BCL2: variants seen among roughly 807,000 people sequenced by gnomAD.
BCL2 encodes the protein apoptosis regulator Bcl-2.
In BCL2, 1 loss-of-function variant was observed where a neutral mutation model predicts 14.2. That is an observed-to-expected ratio of 0.07 (90% CI 0.02 to 0.33). BCL2 has a LOEUF of 0.33. BCL2 is among the 10% of genes least tolerant of loss of function. BCL2 has a pLI of 0.99. For missense variants in BCL2, 247 were observed against 305.9 expected (o/e 0.81, Z 1.44); for synonymous variants, 151 against 137.2 (o/e 1.10, Z -0.70).
chr18:63,232,355 T>C (rs1324238203), intron 2 of BCL2, among the ~76,000 whole-genome samples: 1 of 152,158 alleles, frequency 6.6e-6, no homozygotes, highest in Non-Finnish European at 1.5e-5. Flanking sequence ...AAAACAATGT[T>C]TAAAGGCAAT....
At chr18:63,184,903 C>G (rs959513848) in intron 2 of BCL2, among the ~76,000 whole-genome samples, 3 of 152,170 alleles carry the variant, frequency 2.0e-5, no homozygotes, top group African/African-American at 7.2e-5. Context: ...CCTGAGTTTT[C>G]CAGGGTCTGG....
rs567335397 is a variant in BCL2, at chr18:63,266,464, C to T, written c.585+51618G>A. ...GTGGGAGGTAAAGTGAGGAGGGAGG[C>T]TCCTGTCACTGTATACACTTTGTAT... On this transcript the variant is annotated intron_variant, in intron 2 of 2. Transcript: ENST00000333681. Among the ~76,000 whole-genome samples, 25 of 151,760 alleles carry T rather than the reference C, an allele frequency of 1.6e-4. No individual in the cohort carries two copies. The South Asian group carries it at 5.0e-3, about 30-fold the overall frequency.
At chr18:63,225,811 C>T (rs773717284) in intron 2 of BCL2, among the ~76,000 whole-genome samples, 2 of 152,152 alleles carry the variant, frequency 1.3e-5, no homozygotes, top group African/African-American at 2.4e-5. Flanking sequence ...CCCACAGCAG[C>T]GTCTGGAGCA....
chr18:63,262,517 G>A (rs1911690840), intron 2 of BCL2, among the ~76,000 whole-genome samples: 1 of 152,160 alleles, frequency 6.6e-6, no homozygotes, highest in Non-Finnish European at 1.5e-5. Flanking sequence ...CCAGGAAGGA[G>A]GTGGACAAGT....
intron 2 of BCL2, among the ~76,000 whole-genome samples, chr18:63,144,733 A>G (rs1475510608): frequency 1.3e-5 from 2 of 152,152 alleles, no homozygotes; most frequent in African/African-American, 4.8e-5. Flanking sequence ...GTGGCATGGG[A>G]GTTTGGGGCC....
rs142616439 is a variant in BCL2 at position 63,123,933 on chromosome 18, C to A, written c.*4692G>T. The A allele has an allele frequency of 1.4e-5, 3 of 219,558 alleles. No individual in the cohort carries two copies. Among genetic ancestry groups the A allele is most frequent in the Non-Finnish European group, 2.7e-5 (3 of 109,390 alleles). 13.6% of individuals were successfully genotyped at this position (219,558 alleles called of 1,614,324 possible). ...TAGTCTCAGAATTTTCTTGATTGAG[C>A]GAGCCTTTCCATCCTCCACCAGTGT... is the stretch of plus-strand genomic sequence containing the variant. On this transcript the variant is annotated 3_prime_UTR_variant, in exon 3 of 3. Coordinates refer to ENST00000333681, the MANE Select transcript of BCL2 (RefSeq NM_000633.3).
At chr18:63,188,240 T>C (rs1269322799) in intron 2 of BCL2, among the ~76,000 whole-genome samples, 1 of 152,190 alleles carries the variant, frequency 6.6e-6, no homozygotes, top group African/African-American at 2.4e-5. Context: ...GAATGACATA[T>C]GGAAATAGTA....
intron 2 of BCL2, among the ~76,000 whole-genome samples, chr18:63,285,664 C>T (rs1912451291): frequency 6.9e-6 from 1 of 144,678 alleles, no homozygotes; most frequent in Non-Finnish European, 1.5e-5. Flanking sequence ...AAAACAGAAT[C>T]CTGAGTTTGG....
At chr18:63,271,591 C>T (rs554316348) in intron 2 of BCL2, among the ~76,000 whole-genome samples, 1 of 152,310 alleles carries the variant, frequency 6.6e-6, no homozygotes, top group South Asian at 2.1e-4. Flanking sequence ...TTTCAATATT[C>T]AGCCCCCACA....
chr18:63,288,445 T>C (rs1335098222), intron 2 of BCL2, among the ~76,000 whole-genome samples: 1 of 152,268 alleles, frequency 6.6e-6, no homozygotes, highest in Non-Finnish European at 1.5e-5. Flanking sequence ...TTCTTACTGA[T>C]GCTAGGCTAT....
intron 2 of BCL2, among the ~76,000 whole-genome samples, chr18:63,255,984 C>A (rs979486106): frequency 1.3e-5 from 2 of 151,978 alleles, no homozygotes; most frequent in Non-Finnish European, 2.9e-5. Context: ...TGACTGATAA[C>A]CAATCTTAAT....
At chr18:63,217,996 A>G (rs895579305) in intron 2 of BCL2, among the ~76,000 whole-genome samples, 1 of 152,160 alleles carries the variant, frequency 6.6e-6, no homozygotes, top group Non-Finnish European at 1.5e-5. Context: ...AAAAGGAAGG[A>G]AGGGAGGGAT....
chr18:63,266,568 T>C (rs1458983233), intron 2 of BCL2, among the ~76,000 whole-genome samples: 1 of 151,012 alleles, frequency 6.6e-6, no homozygotes, highest in Non-Finnish European at 1.5e-5. Context: ...ATATTAAATA[T>C]ACAGATGACA....
chr18:63,282,609 C>T (rs1016921161), intron 2 of BCL2, among the ~76,000 whole-genome samples: 1 of 152,074 alleles, frequency 6.6e-6, no homozygotes, highest in Non-Finnish European at 1.5e-5. Context: ...ATCTCAAATG[C>T]CATTACACAT....
chr18:63,266,968 A>C (rs1312549976), intron 2 of BCL2, among the ~76,000 whole-genome samples: 1 of 152,238 alleles, frequency 6.6e-6, no homozygotes, highest in Non-Finnish European at 1.5e-5. Context: ...CCTCAAAGTC[A>C]GATTAGAAAG....
At chr18:63,162,332 C>T (rs1247604311) in intron 2 of BCL2, among the ~76,000 whole-genome samples, 1 of 152,182 alleles carries the variant, frequency 6.6e-6, no homozygotes, top group Non-Finnish European at 1.5e-5. Context: ...AGAGATGACA[C>T]CCACACCCAC....
At chr18:63,170,978 T>C (rs140455352) in intron 2 of BCL2, among the ~76,000 whole-genome samples, 194 of 152,360 alleles carry the variant, frequency 1.3e-3, no homozygotes, top group African/African-American at 4.7e-3. Context: ...GTAAATAGAC[T>C]TTTTTGAGCA....
At chr18:63,159,354 C>G (rs1046040253) in intron 2 of BCL2, among the ~76,000 whole-genome samples, 1 of 152,320 alleles carries the variant, frequency 6.6e-6, no homozygotes. Context: ...ACTCTGTTTT[C>G]TTAATTTCAC....
intron 2 of BCL2, among the ~76,000 whole-genome samples, chr18:63,132,021 G>A (rs919958354): frequency 1.3e-5 from 2 of 152,194 alleles, no homozygotes; most frequent in Admixed American, 1.3e-4. Flanking sequence ...TTTCTGATAT[G>A]CATTACGTAG....
Sources: gnomAD v4.1 joint callset for allele counts (sites outside exome capture counted in the v4.1 genomes callset) on GRCh38, gnomAD v4.1.1 for gene constraint, MANE v1.5 for transcripts, NCBI Gene and HGNC (gene_info 2026-07-23, HGNC 2026-07-21) for gene names.